Variants in ABCA13 observed in about 807,000 individuals in gnomAD.
The protein encoded by ABCA13 is ATP-binding cassette sub-family A member 13.
In ABCA13, 476 loss-of-function variants were observed where a neutral mutation model predicts 478.7. The observed-to-expected ratio is 0.99, with a 90% CI of 0.92 to 1.07. The LOEUF (loss-of-function observed/expected upper bound fraction) is 1.07. ABCA13 is among the 50% of genes least tolerant of loss of function. The pLI, the probability that ABCA13 is intolerant of heterozygous loss-of-function variation, is 0.00. For missense variants in ABCA13, 6,060 were observed against 5,910.6 expected (o/e 1.03, Z -0.83); for synonymous variants, 2,252 against 2,158.9 (o/e 1.04, Z -1.20).
chr7:48,440,608 T>C (rs1472063250), intron 42 of ABCA13, among the ~76,000 whole-genome samples: 1 of 152,076 alleles, frequency 6.6e-6, no homozygotes, highest in Non-Finnish European at 1.5e-5. Flanking sequence ...AACTTTTATA[T>C]GTAAGATCGA....
At chr7:48,427,358 C>G (rs1016621591) in intron 41 of ABCA13, among the ~76,000 whole-genome samples, 2 of 152,216 alleles carry the variant, frequency 1.3e-5, no homozygotes, top group African/African-American at 4.8e-5. Context: ...GAGATCCCAT[C>G]TACTGTAAGT....
At chr7:48,342,651 T>C (rs62449221) in intron 29 of ABCA13, among the ~76,000 whole-genome samples, 174 of 152,298 alleles carry the variant, frequency 1.1e-3, no homozygotes, top group Non-Finnish European at 2.1e-3. Context: ...TACTATCTTT[T>C]GAAGCATTGC....
Position 48,350,683 on chromosome 7 carries a change from A to G in ABCA13, c.10245A>G (p.Gly3415=). The G allele has an allele frequency of 6.2e-7, 1 of 1,613,916 alleles. No homozygotes were observed. Among genetic ancestry groups the G allele is most frequent in the Non-Finnish European group, 8.5e-7 (1 of 1,179,842 alleles). The change falls in exon 30 of 62, where the codon GGA becomes GGG. Residue 3415 remains glycine (G), a synonymous_variant. Transcript: ENST00000435803. ...LDEMFNHAGA[G]RFRFLGSILV... is the part of the protein sequence containing the mutation. ...AGATGTTTAACCATGCAGGCGCTGG[A>G]CGCTTCCGTTTCTTGGGCAGCATCT...
intron 27 of ABCA13, among the ~76,000 whole-genome samples, chr7:48,320,456 C>G (rs543816366): frequency 1.3e-5 from 2 of 152,258 alleles, no homozygotes; most frequent in East Asian, 3.9e-4. Flanking sequence ...TAATTTAACT[C>G]ATACTCTAAG....
intron 45 of ABCA13, among the ~76,000 whole-genome samples, chr7:48,479,180 G>C (rs1828487899): frequency 6.6e-6 from 1 of 151,540 alleles, no homozygotes; most frequent in African/African-American, 2.4e-5. Flanking sequence ...TCGATCTCCT[G>C]ACCTCGTGAT....
intron 42 of ABCA13, among the ~76,000 whole-genome samples, chr7:48,446,482 A>T (rs944507480): frequency 6.6e-6 from 1 of 151,684 alleles, no homozygotes; most frequent in East Asian, 1.9e-4. Context: ...ACCACTTTAC[A>T]TACAGTTCTG....
At chr7:48,443,116 A>C (rs932233850) in intron 42 of ABCA13, among the ~76,000 whole-genome samples, 1 of 152,230 alleles carries the variant, frequency 6.6e-6, no homozygotes, top group South Asian at 2.1e-4. Flanking sequence ...AGCCGTCGGC[A>C]AACCAAGGAG....
At chr7:48,609,046 T>C (rs1791760972) in intron 58 of ABCA13, among the ~76,000 whole-genome samples, 1 of 152,202 alleles carries the variant, frequency 6.6e-6, no homozygotes. Flanking sequence ...TTTATCATAA[T>C]GCATACATGT....
intron 59 of ABCA13, among the ~76,000 whole-genome samples, chr7:48,634,753 A>C (rs1223893679): frequency 6.6e-6 from 1 of 152,128 alleles, no homozygotes; most frequent in African/African-American, 2.4e-5. Flanking sequence ...TTACATGTTA[A>C]TGGAAGTATT....
chr7:48,324,544 C>T (rs1490768990), intron 27 of ABCA13, among the ~76,000 whole-genome samples: 1 of 152,182 alleles, frequency 6.6e-6, no homozygotes. Context: ...TTAGAGCTCT[C>T]TATGAAACTT....
chr7:48,293,218 A>C (rs1798838995), intron 20 of ABCA13, among the ~76,000 whole-genome samples: 1 of 128,678 alleles, frequency 7.8e-6, no homozygotes, highest in Non-Finnish European at 1.6e-5. Flanking sequence ...ACACACACTA[A>C]ATCTACCTCA....
intron 20 of ABCA13, among the ~76,000 whole-genome samples, chr7:48,293,191 A>AACC (rs1193532069): frequency 1.0e-5 from 1 of 98,664 alleles, no homozygotes; most frequent in Non-Finnish European, 2.1e-5. Flanking sequence ...AGAAGTCTTC[A>AACC]GCCCCCCCCC....
At chr7:48,626,993 A>C (rs953058790) in intron 59 of ABCA13, 1 of 985,356 alleles carries the variant, frequency 1.0e-6, no homozygotes. Context: ...ACTCATCACA[A>C]CTTTGAAGCA....
At chr7:48,483,470 T>A (rs1258611044) in intron 47 of ABCA13, among the ~76,000 whole-genome samples, 1 of 152,266 alleles carries the variant, frequency 6.6e-6, no homozygotes, top group Non-Finnish European at 1.5e-5. Context: ...CACTAGTTTC[T>A]TTGCTGGCCA....
intron 1 of ABCA13, among the ~76,000 whole-genome samples, chr7:48,183,911 T>C (rs1400963428): frequency 1.3e-5 from 2 of 152,258 alleles, no homozygotes. Flanking sequence ...TATAATCCCT[T>C]CTTAACAACT....
At chr7:48,305,137 A>G (rs1800711277) in intron 23 of ABCA13, among the ~76,000 whole-genome samples, 1 of 152,176 alleles carries the variant, frequency 6.6e-6, no homozygotes, top group South Asian at 2.1e-4. Flanking sequence ...AATGCTTTAC[A>G]TCTCATTTAA....
intron 45 of ABCA13, among the ~76,000 whole-genome samples, chr7:48,473,245 G>A (rs1017486674): frequency 6.6e-6 from 1 of 152,180 alleles, no homozygotes; most frequent in South Asian, 2.1e-4. Context: ...CTTCAAGGTG[G>A]ATGTGCCTGG....
chr7:48,268,870 T>TAA, intron 15 of ABCA13, 110 bp from the exon 16 acceptor site: 1 of 368,998 alleles, frequency 2.7e-6, no homozygotes, highest in Non-Finnish European at 4.9e-6. Flanking sequence ...TTTTTTTTTT[T>TAA]TTTAACATTT....
At chr7:48,175,380 C>T (rs1794700980) in intron 1 of ABCA13, among the ~76,000 whole-genome samples, 1 of 152,018 alleles carries the variant, frequency 6.6e-6, no homozygotes, top group African/African-American at 2.4e-5. Context: ...GTGTTGGGGA[C>T]ATTCAATATT....
Sources: gnomAD v4.1 joint callset for allele counts (sites outside exome capture counted in the v4.1 genomes callset) on GRCh38, gnomAD v4.1.1 for gene constraint, MANE v1.5 for transcripts, NCBI Gene and HGNC (gene_info 2026-07-23, HGNC 2026-07-21) for gene names.